Variants in DYNC1I1 observed in about 807,000 individuals in gnomAD.
DYNC1I1 encodes the protein cytoplasmic dynein 1 intermediate chain 1.
In DYNC1I1, 43 loss-of-function variants were observed where a neutral mutation model predicts 86.6. The ratio of observed to expected loss-of-function variants is 0.50; its 90% CI spans 0.39 to 0.64. The LOEUF (loss-of-function observed/expected upper bound fraction) is 0.64. Among genes scored for constraint, DYNC1I1 ranks in the 30% least tolerant of loss-of-function variants. The pLI, the probability that DYNC1I1 is intolerant of heterozygous loss-of-function variation, is 0.00. For missense variants in DYNC1I1, 604 were observed against 788.8 expected, an observed-to-expected ratio of 0.77 and a Z score of 2.81; for synonymous variants, 262 against 283.7, an observed-to-expected ratio of 0.92 and a Z score of 0.77.
At chr7:95,902,248 A>T (rs1444933479) in intron 6 of DYNC1I1, among the ~76,000 whole-genome samples, 2 of 152,160 alleles carry the variant, frequency 1.3e-5, no homozygotes, top group African/African-American at 2.4e-5. Flanking sequence ...CCTGCTATTG[A>T]GCAGAACTGA....
chr7:95,777,480 G>A (rs953272607), intron 1 of DYNC1I1, among the ~76,000 whole-genome samples: 1 of 152,206 alleles, frequency 6.6e-6, no homozygotes, highest in Non-Finnish European at 1.5e-5. Flanking sequence ...AATCCTGGGA[G>A]GGGCACTACT....
intron 5 of DYNC1I1, among the ~76,000 whole-genome samples, chr7:95,838,492 C>A (rs1789180533): frequency 6.6e-6 from 1 of 152,160 alleles, no homozygotes; most frequent in Non-Finnish European, 1.5e-5. Context: ...CTTGAGAATA[C>A]CTTTCTAAAG....
intron 10 of DYNC1I1, 29 bp downstream of exon 10, chr7:95,996,102 AC>A (rs762739404): frequency 4.8e-5 from 78 of 1,613,606 alleles, no homozygotes; most frequent in Non-Finnish European, 6.4e-5. Context: ...AAAATAACTT[AC>A]ATCTCCTGCT....
At chr7:96,004,012 T>C (rs1404271395) in intron 10 of DYNC1I1, among the ~76,000 whole-genome samples, 1 of 152,210 alleles carries the variant, frequency 6.6e-6, no homozygotes, top group Non-Finnish European at 1.5e-5. Context: ...AATGTGATTC[T>C]CCAAGAGTCA....
intron 10 of DYNC1I1, among the ~76,000 whole-genome samples, chr7:96,015,476 T>C (rs1242987677): frequency 6.6e-6 from 1 of 152,170 alleles, no homozygotes; most frequent in African/African-American, 2.4e-5. Context: ...ATTTCCCTTG[T>C]GGACTGAGAA....
chr7:96,058,459 G>T (rs879602658), intron 14 of DYNC1I1, among the ~76,000 whole-genome samples: 4 of 152,076 alleles, frequency 2.6e-5, no homozygotes, highest in African/African-American at 7.2e-5. Flanking sequence ...TCTAGACAAA[G>T]AACAAGTTAT....
At chr7:95,814,990 G>A (rs535496357) in intron 4 of DYNC1I1, among the ~76,000 whole-genome samples, 1 of 151,590 alleles carries the variant, frequency 6.6e-6, no homozygotes, top group East Asian at 1.9e-4. Context: ...CATTTCTTGG[G>A]GGGGGTCCAT....
At chr7:95,863,638 T>C (rs1000307986) in intron 5 of DYNC1I1, among the ~76,000 whole-genome samples, 46 of 152,174 alleles carry the variant, frequency 3.0e-4, no homozygotes, top group Non-Finnish European at 5.7e-4. Context: ...TCCATTTAAA[T>C]TTTTGGCCTT....
At chr7:95,955,842 T>C (rs1031039187) in intron 6 of DYNC1I1, among the ~76,000 whole-genome samples, 4 of 152,210 alleles carry the variant, frequency 2.6e-5, no homozygotes, top group Non-Finnish European at 4.4e-5. Flanking sequence ...TTAAGGATGT[T>C]AATGCCAGGT....
In DYNC1I1 at chr7:95,988,042, C is replaced by T. The variant is rs1290915885; in HGVS notation, c.843+887C>T. Reference sequence around the variant, plus strand: ...TTCATGCTTGTCCACATACAGTTTTCCCCTGGAGAAATCTACCCAAACAAT... The same window carrying T: ...TTCATGCTTGTCCACATACAGTTTTTCCCTGGAGAAATCTACCCAAACAAT... On this transcript the variant is annotated intron_variant, in intron 9 of 16. Transcript: ENST00000447467. Among the ~76,000 whole-genome samples, 4 of 152,128 alleles carry T rather than the reference C, an allele frequency of 2.6e-5. No homozygotes were observed. In the East Asian group the frequency reaches 7.7e-4, roughly 29 times the overall value.
At position 96,097,488 on chromosome 7, in the gene DYNC1I1, A is replaced by T. The variant is rs1053478776; in HGVS notation, c.1782A>T (p.Ala594=). The T allele has an allele frequency of 1.2e-6, 2 of 1,613,706 alleles. No homozygotes were observed. Among genetic ancestry groups the T allele is most frequent in the Admixed American group, 3.3e-5 (2 of 59,988 alleles). Residue 594 remains alanine, a synonymous_variant, in exon 17 of 17, where the codon GCA becomes GCT. Coordinates refer to ENST00000447467, the MANE Select transcript of DYNC1I1 (RefSeq NM_001135556.2). ...TCCATTGATTTGCTTTGCAGCTTGCAGTTCCCCACAATGATGAATGGACCC... is the reference window on the plus strand; with the variant it reads ...TCCATTGATTTGCTTTGCAGCTTGCTGTTCCCCACAATGATGAATGGACCC... ...RIWVYDVGEL[A]VPHNDEWTRF...
chr7:95,830,340 A>C (rs760741676), intron 5 of DYNC1I1, among the ~76,000 whole-genome samples: 1 of 151,938 alleles, frequency 6.6e-6, no homozygotes, highest in Admixed American at 6.6e-5. Context: ...GAGTTTCCTC[A>C]TGCCCCTTTG....
At chr7:95,844,489 T>C (rs1016024642) in intron 5 of DYNC1I1, among the ~76,000 whole-genome samples, 3 of 152,178 alleles carry the variant, frequency 2.0e-5, no homozygotes, top group Non-Finnish European at 4.4e-5. Context: ...AAGAATTTAA[T>C]TGATGAAGGC....
chr7:95,985,939 C>A (rs564159508), intron 8 of DYNC1I1, among the ~76,000 whole-genome samples: 4 of 151,026 alleles, frequency 2.6e-5, no homozygotes, highest in African/African-American at 9.8e-5. Flanking sequence ...TTTGAAAAGC[C>A]ATTTTTCTAT....
At chr7:96,110,320 T>G (rs1308967914), downstream of DYNC1I1, 4 of 189,882 alleles carry the variant, frequency 2.1e-5, no homozygotes, top group Non-Finnish European at 4.4e-5. Context: ...AAATCTACTT[T>G]GACTGATATC....
chr7:95,977,477 A>G, intron 6 of DYNC1I1, 35 bp from the exon 7 acceptor site: 1 of 1,599,738 alleles, frequency 6.3e-7, no homozygotes, highest in Admixed American at 1.7e-5. Context: ...TTTGGAGGAA[A>G]GAAAATATTG....
chr7:95,810,389 T>G lies in DYNC1I1; in HGVS notation c.109-3T>G. 1 of 1,604,686 alleles carries G rather than the reference T, an allele frequency of 6.2e-7. No individual in the cohort carries two copies. Among genetic ancestry groups the G allele is most frequent in the Non-Finnish European group, 8.5e-7 (1 of 1,176,260 alleles). On this transcript the variant is annotated splice_polypyrimidine_tract_variant and splice_region_variant and intron_variant, in intron 2 of 16. Transcript: ENST00000447467. Reference sequence around the variant, plus strand: ...AACTTTTCTTACTGACGTCTACTTCTAGGCTGATATGCAGCAGAAGAAAGA... The same window carrying G: ...AACTTTTCTTACTGACGTCTACTTCGAGGCTGATATGCAGCAGAAGAAAGA...
At chr7:96,068,722 G>A (rs889920278) in intron 14 of DYNC1I1, among the ~76,000 whole-genome samples, 1 of 152,046 alleles carries the variant, frequency 6.6e-6, no homozygotes, top group Non-Finnish European at 1.5e-5. Context: ...TATGAAGGGG[G>A]AATCAAAGTG....
chr7:95,997,616 T>TGTGC (rs1032823781), intron 10 of DYNC1I1, among the ~76,000 whole-genome samples: 3 of 151,676 alleles, frequency 2.0e-5, no homozygotes, highest in African/African-American at 7.3e-5. Context: ...TGTGTGTGTG[T>TGTGC]GTGTGTGTAT....
Sources: gnomAD v4.1 joint callset for allele counts (sites outside exome capture counted in the v4.1 genomes callset) on GRCh38, gnomAD v4.1.1 for gene constraint, MANE v1.5 for transcripts, NCBI Gene and HGNC (gene_info 2026-07-23, HGNC 2026-07-21) for gene names.